SAP30BP: variants seen among roughly 807,000 people sequenced by gnomAD.
SAP30BP encodes SAP30 binding protein, also known as SAP30-binding protein.
SAP30BP carries 31 observed loss-of-function variants against 46.3 expected under a neutral mutation model. The observed-to-expected ratio is 0.67, with a 90% CI of 0.50 to 0.90. SAP30BP has a LOEUF of 0.90. SAP30BP is among the 40% of genes least tolerant of loss of function. SAP30BP has a pLI of 0.00. For synonymous variants in SAP30BP, 169 were observed against 144.2 expected (o/e 1.17, Z -1.23); for missense variants, 312 against 391.0 (o/e 0.80, Z 1.70).
chr17:75,703,221 G>A (rs2060440925), intron 6 of SAP30BP, 90 bp from the exon 7 acceptor site: 2 of 1,236,524 alleles, frequency 1.6e-6, no homozygotes, highest in East Asian at 4.7e-5. Flanking sequence ...AAGTTGTGAA[G>A]GTTTTGTGTC....
rs117250972 is a variant in SAP30BP, at chr17:75,678,660, G to A, written c.264+6797G>A. Among the ~76,000 whole-genome samples the A allele has an allele frequency of 1.5e-3, 229 of 152,154 alleles. 5 individuals carry two copies. The East Asian group carries it at 0.034, about 22-fold the overall frequency. The stretch of plus-strand genomic sequence containing the variant: ...CCCAGGCTGGTCATACCATGTTGTC[G>A]GCCGGTTTTGGAAGAGCAGATTCCA... On this transcript the variant is annotated intron_variant, in intron 3 of 10. Coordinates refer to ENST00000584667, the MANE Select transcript of SAP30BP (RefSeq NM_013260.8).
Position 75,706,595 on chromosome 17 carries a change from G to A in SAP30BP, c.*74G>A, listed in dbSNP as rs2060501362. 4 of 1,394,590 alleles carry A rather than the reference G, an allele frequency of 2.9e-6. No individual in the cohort carries two copies. The highest frequency in any genetic ancestry group is 4.0e-6 in the Non-Finnish European group (4 of 999,502). 86.4% of individuals were successfully genotyped at this position (1,394,590 alleles called of 1,614,324 possible). On this transcript the variant is annotated 3_prime_UTR_variant, in exon 11 of 11. Coordinates refer to ENST00000584667, the MANE Select transcript of SAP30BP (RefSeq NM_013260.8). The surrounding 1 kb of genome is among the most constrained non-coding windows in gnomAD (Gnocchi z 4.6). ...ACTGCCCAGTGGGAGGCGCCACTTTGTATATTTCAGGACTGGGACCTACTC... is the reference window on the plus strand; with the variant it reads ...ACTGCCCAGTGGGAGGCGCCACTTTATATATTTCAGGACTGGGACCTACTC...
At position 75,674,690 on chromosome 17, in the gene SAP30BP, G is replaced by GTTTTTTTTTTTTT. The variant is rs1287087489; in HGVS notation, c.264+2833_264+2834insTTTTTTTTTTTTT. Among the ~76,000 whole-genome samples, 331 of 39,506 alleles carry GTTTTTTTTTTTTT rather than the reference G, an allele frequency of 8.4e-3. 26 individuals carry two copies. The highest frequency in any genetic ancestry group is 0.045 in the Middle Eastern group (2 of 44). 25.9% of individuals were successfully genotyped at this position (39,506 alleles called of 152,430 possible). Reference sequence around the variant, plus strand: ...TTAAGCATATGAAGTTTTTTTGTTTGTTTTTTGTTTTTTTTTTTTTTTTTT... The same window carrying GTTTTTTTTTTTTT: ...TTAAGCATATGAAGTTTTTTTGTTTGTTTTTTTTTTTTTTTTTTTGTTTTTTTTTTTTTTTTTT... On this transcript the variant is annotated intron_variant, in intron 3 of 10. Coordinates refer to ENST00000584667, the MANE Select transcript of SAP30BP (RefSeq NM_013260.8).
chr17:75,691,076 C>G (rs540821251), intron 3 of SAP30BP, among the ~76,000 whole-genome samples: 6 of 152,270 alleles, frequency 3.9e-5, no homozygotes, highest in Admixed American at 3.9e-4. Context: ...GGTGGGAAGG[C>G]TCATGGAGCT....
Position 75,706,763 on chromosome 17 carries a change from T to G in SAP30BP, c.*242T>G. The G allele has an allele frequency of 1.8e-6, 1 of 546,044 alleles. No homozygotes were observed. The highest frequency in any genetic ancestry group is 3.3e-6 in the Non-Finnish European group (1 of 305,274). The allele number at this position is 546,044 out of a possible 1,614,324, so 33.8% of individuals were successfully genotyped here. ...TTAAAAGTGCCGTATTCTTACCTCTTGGCATCTCAGATGCACTGGCCTCTC... is the reference window on the plus strand; with the variant it reads ...TTAAAAGTGCCGTATTCTTACCTCTGGGCATCTCAGATGCACTGGCCTCTC... On this transcript the variant is annotated 3_prime_UTR_variant, in exon 11 of 11. Transcript: ENST00000584667. The surrounding 1 kb of genome is among the most constrained non-coding windows in gnomAD (Gnocchi z 4.6).
At chr17:75,693,599 C>T in intron 4 of SAP30BP, 117 bp downstream of exon 4, 1 of 825,364 alleles carries the variant, frequency 1.2e-6, no homozygotes, top group Non-Finnish European at 1.9e-6. Context: ...GCACTGTTGT[C>T]CCTTTGGCTC....
intron 3 of SAP30BP, among the ~76,000 whole-genome samples, chr17:75,678,751 C>T (rs2060030267): frequency 6.6e-6 from 1 of 152,084 alleles, no homozygotes; most frequent in Admixed American, 6.6e-5. Flanking sequence ...AGCACATCAC[C>T]TGAGGGAAAG....
intron 3 of SAP30BP, among the ~76,000 whole-genome samples, chr17:75,675,033 A>G (rs1413412962): frequency 1.3e-5 from 2 of 152,026 alleles, no homozygotes; most frequent in Admixed American, 6.6e-5. Context: ...CTAACAATAG[A>G]ATATGTTACA....
At chr17:75,672,105 C>G in intron 3 of SAP30BP, 1 of 500,120 alleles carries the variant, frequency 2.0e-6, no homozygotes, top group Non-Finnish European at 3.7e-6. Flanking sequence ...ACTAGAAAGG[C>G]GAGAGGCCTG....
intron 2 of SAP30BP, among the ~76,000 whole-genome samples, chr17:75,669,816 A>G (rs1246517947): frequency 6.6e-6 from 1 of 152,218 alleles, no homozygotes; most frequent in Admixed American, 6.5e-5. Flanking sequence ...ATTATTAACA[A>G]GAAAGTCTTT....
At chr17:75,703,590 C>T in intron 7 of SAP30BP, 1 of 634,950 alleles carries the variant, frequency 1.6e-6, no homozygotes, top group Non-Finnish European at 2.8e-6. Context: ...CTGGTGGGGA[C>T]ATGTGTGGAC....
chr17:75,705,044 T>G, intron 9 of SAP30BP: 4 of 514,056 alleles, frequency 7.8e-6, no homozygotes, highest in African/African-American at 1.9e-5. Flanking sequence ...GTGCCCCCCT[T>G]TCCTCCCCGC....
chr17:75,703,750 C>T (rs1224682640), intron 7 of SAP30BP, 58 bp from the exon 8 acceptor site: 2 of 1,477,770 alleles, frequency 1.4e-6, no homozygotes, highest in African/African-American at 2.8e-5. Context: ...AGACTTGGGC[C>T]AGGAACTTGG....
At chr17:75,691,008 T>C (rs1170618021) in intron 3 of SAP30BP, among the ~76,000 whole-genome samples, 5 of 152,210 alleles carry the variant, frequency 3.3e-5, no homozygotes, top group Admixed American at 6.5e-5. Context: ...GAGAATCTTC[T>C]TGAACTTGGA....
At chr17:75,705,612 C>T in intron 9 of SAP30BP, 1 of 1,043,360 alleles carries the variant, frequency 9.6e-7, no homozygotes. Flanking sequence ...AAACCCCAGG[C>T]TTGTTGCAGG....
intron 2 of SAP30BP, among the ~76,000 whole-genome samples, chr17:75,670,730 G>T (rs915608736): frequency 6.6e-6 from 1 of 152,156 alleles, no homozygotes; most frequent in African/African-American, 2.4e-5. Context: ...AGATTATGGA[G>T]ATTGCATTTA....
At chr17:75,672,054 A>G in intron 3 of SAP30BP, 191 bp downstream of exon 3, 1 of 587,700 alleles carries the variant, frequency 1.7e-6, no homozygotes, top group South Asian at 2.0e-5. Flanking sequence ...ATCCTGAGAC[A>G]CATTGGATTT....
At chr17:75,674,678 G>GTTTTTTTTTT (rs1317884519) in intron 3 of SAP30BP, among the ~76,000 whole-genome samples, 1 of 101,062 alleles carries the variant, frequency 9.9e-6, no homozygotes, top group African/African-American at 3.8e-5. Context: ...AGCATATGAA[G>GTTTTTTTTTT]TTTTTTTGTT....
chr17:75,673,305 C>T (rs889912912), intron 3 of SAP30BP, among the ~76,000 whole-genome samples: 3 of 152,208 alleles, frequency 2.0e-5, no homozygotes, highest in African/African-American at 4.8e-5. Context: ...CCTGAGAACT[C>T]GCCCTGCCTG....
Sources: allele counts gnomAD v4.1 joint callset (sites outside exome capture counted in the v4.1 genomes callset), GRCh38; gene constraint gnomAD v4.1.1; non-coding constraint Gnocchi (gnomAD v3.1); transcripts MANE v1.5; gene names NCBI Gene and HGNC (gene_info 2026-07-23, HGNC 2026-07-21).